The following ALK variants were observed in gnomAD, a reference collection of about 807,000 sequenced individuals.
The protein encoded by ALK is ALK tyrosine kinase receptor.
In ALK, 74 loss-of-function variants were observed where a neutral mutation model predicts 163.1. That is an observed-to-expected ratio of 0.45 (90% confidence interval 0.38 to 0.55). The LOEUF is 0.55. Among genes scored for constraint, ALK ranks in the 20% least tolerant of loss-of-function variants. The probability of loss-of-function intolerance (pLI) is 0.00; values close to 1 mark genes in which losing one functional copy is unlikely to be tolerated. For synonymous variants in ALK, 960 were observed against 843.2 expected (o/e 1.14, Z -2.40); for missense variants, 2,063 against 2,105.3 (o/e 0.98, Z 0.39).
chr2:29,893,470 T>G (rs552190703), intron 1 of ALK, among the ~76,000 whole-genome samples: 1 of 152,204 alleles, frequency 6.6e-6, no homozygotes, highest in South Asian at 2.1e-4. Context: ...TATAAAGAGG[T>G]GTATAAATAT....
intron 28 of ALK, 136 bp from the exon 29 acceptor site, chr2:29,194,058 A>G: frequency 1.2e-6 from 1 of 855,436 alleles, no homozygotes; most frequent in South Asian, 1.6e-5. Context: ...ATAGTAACTT[A>G]CAGGCACTGG....
chr2:29,915,078 A>T (rs1299453596), intron 1 of ALK, among the ~76,000 whole-genome samples: 1 of 152,272 alleles, frequency 6.6e-6, no homozygotes, highest in African/African-American at 2.4e-5. Flanking sequence ...GATTATAAAG[A>T]AAGGCAAAAT....
rs375889530 is a variant in ALK, at chr2:29,225,473, C to T, written c.3160G>A (p.Gly1054Ser). ...TCTGTGCACTCACCAATCATGATGC[C>T]GGAGAAAGCCAGGACCAGGGCGGCC... is the stretch of plus-strand genomic sequence containing the variant. ...LVAALVLAFS[G>S]IMIVYRRKHQ... The change falls in exon 19 of 29, where the codon GGC (glycine) becomes AGC (serine). Residue 1054 changes from glycine (G) to serine (S), a missense_variant. Around this residue, in one of 5 missense-constraint regions of ALK, gnomAD observed 575 missense variants for 626.6 expected, o/e 0.92. Transcript: ENST00000389048. The T allele has an allele frequency of 8.8e-5, 142 of 1,612,710 alleles. No homozygotes were observed. The highest frequency in any genetic ancestry group is 2.0e-4 in the African/African-American group (15 of 74,902).
intron 1 of ALK, among the ~76,000 whole-genome samples, chr2:29,873,534 G>C (rs1339952485): frequency 1.3e-5 from 2 of 152,224 alleles, no homozygotes; most frequent in African/African-American, 4.8e-5. Flanking sequence ...GTCAGAGATG[G>C]GAAGTATAAG....
chr2:29,573,542 TG>T (rs1674438511), intron 3 of ALK, among the ~76,000 whole-genome samples: 1 of 152,224 alleles, frequency 6.6e-6, no homozygotes, highest in Non-Finnish European at 1.5e-5. Context: ...CCAGGTGACA[TG>T]TAAAAATTAT....
intron 3 of ALK, among the ~76,000 whole-genome samples, chr2:29,621,554 C>T (rs2148229567): frequency 6.6e-6 from 1 of 152,258 alleles, no homozygotes; most frequent in African/African-American, 2.4e-5. Context: ...TGAAGCTGAC[C>T]CTGGACAGTG....
At chr2:29,225,650 T>C (rs565085257) in intron 18 of ALK, 85 bp from the exon 19 acceptor site, 2 of 1,162,548 alleles carry the variant, frequency 1.7e-6, no homozygotes, top group Admixed American at 4.0e-5. Context: ...CCTCCCCCAC[T>C]GAGACAAAAA....
intron 3 of ALK, among the ~76,000 whole-genome samples, chr2:29,628,638 T>C (rs894054459): frequency 2.0e-5 from 3 of 152,236 alleles, no homozygotes; most frequent in Non-Finnish European, 4.4e-5. Flanking sequence ...CAGAATTCTC[T>C]TTAAAATGCT....
intron 3 of ALK, among the ~76,000 whole-genome samples, chr2:29,684,109 C>T (rs2541170): frequency 0.64 from 96,644 of 152,070 alleles, 34,053 homozygotes; most frequent in Non-Finnish European, 0.78. Flanking sequence ...GGCTTTCTTT[C>T]AAATCCCTTC....
intron 1 of ALK, among the ~76,000 whole-genome samples, chr2:29,873,843 C>T (rs994980989): frequency 2.0e-5 from 3 of 151,816 alleles, no homozygotes; most frequent in Admixed American, 2.0e-4. Flanking sequence ...GCAATAACCG[C>T]CTGATAATCA....
chr2:29,828,254 T>G (rs890705502), intron 1 of ALK, among the ~76,000 whole-genome samples: 1 of 152,292 alleles, frequency 6.6e-6, no homozygotes, highest in Non-Finnish European at 1.5e-5. Flanking sequence ...GACATAGGCA[T>G]GGGCAAGGAC....
At chr2:29,889,727 GAGAGAGAGAGAGAGA>G (rs1667093552) in intron 1 of ALK, among the ~76,000 whole-genome samples, 1 of 146,144 alleles carries the variant, frequency 6.8e-6, no homozygotes, top group Non-Finnish European at 1.5e-5. Flanking sequence ...GAGAGAGAGA[GAGAGAGAGAGAGAGA>G]GAGAGAGAGA....
chr2:29,513,340 T>G (rs1334150789), intron 4 of ALK, among the ~76,000 whole-genome samples: 14 of 140,584 alleles, frequency 1.0e-4, no homozygotes, highest in Admixed American at 8.7e-4. Flanking sequence ...TCAGAAATAA[T>G]GCCGCATATC....
intron 3 of ALK, among the ~76,000 whole-genome samples, chr2:29,605,332 T>C (rs564819063): frequency 3.9e-5 from 6 of 152,326 alleles, no homozygotes; most frequent in African/African-American, 1.4e-4. Context: ...TGCGGCCCGA[T>C]TCCTAACAGG....
chr2:29,346,823 C>T (rs933646348), intron 5 of ALK, among the ~76,000 whole-genome samples: 1 of 152,106 alleles, frequency 6.6e-6, no homozygotes, highest in Non-Finnish European at 1.5e-5. Flanking sequence ...AATCTCTGAA[C>T]TGGGAGGAGG....
chr2:29,587,631 A>T (rs1674927476), intron 3 of ALK, among the ~76,000 whole-genome samples: 1 of 151,902 alleles, frequency 6.6e-6, no homozygotes, highest in Admixed American at 6.6e-5. Flanking sequence ...AAAATGCATA[A>T]CTGTCCATAG....
At position 29,473,617 on chromosome 2, in the gene ALK, C is replaced by T. The variant is rs142650986; in HGVS notation, c.1154+58298G>A. Among the ~76,000 whole-genome samples the T allele has an allele frequency of 5.3e-5, 8 of 152,034 alleles. No homozygotes were observed. The East Asian group carries it at 1.5e-3, about 29-fold the overall frequency. On this transcript the variant is annotated intron_variant, in intron 4 of 28. Transcript: ENST00000389048. ...CTTCACAAAAGAAATATTCAATAAGCATATGAAAGGTGTTCAAAATCATTA... is the reference window on the plus strand; with the variant it reads ...CTTCACAAAAGAAATATTCAATAAGTATATGAAAGGTGTTCAAAATCATTA...
chr2:29,304,306 G>A (rs548172483), intron 8 of ALK, among the ~76,000 whole-genome samples: 1 of 152,040 alleles, frequency 6.6e-6, no homozygotes, highest in Non-Finnish European at 1.5e-5. Context: ...GACCAGCCTG[G>A]TCAATATGGT....
rs1669586441 is a variant in ALK at position 29,215,719 on chromosome 2, A to G, written c.3646-1638T>C. The stretch of plus-strand genomic sequence containing the variant: ...GGTTGGAGCGTATGTATGTGACTAC[A>G]GTGCCCAATGCACACCAAATGCAGA... On this transcript the variant is annotated intron_variant, in intron 23 of 28. Coordinates refer to ENST00000389048, the MANE Select transcript of ALK (RefSeq NM_004304.5). Among the ~76,000 whole-genome samples, 3 of 152,124 alleles carry G rather than the reference A, an allele frequency of 2.0e-5. No homozygotes were observed. In the South Asian group the frequency reaches 6.2e-4, roughly 32 times the overall value.
Sources: gnomAD v4.1 joint callset for allele counts (sites outside exome capture counted in the v4.1 genomes callset) on GRCh38, gnomAD v4.1.1 for gene constraint, gnomAD v4.1.1 regional missense constraint, MANE v1.5 for transcripts, NCBI Gene and HGNC (gene_info 2026-07-23, HGNC 2026-07-21) for gene names.